Variants in CFAP299 observed in about 807,000 individuals in gnomAD.
The protein encoded by CFAP299 is cilia- and flagella-associated protein 299.
In CFAP299, 21 loss-of-function variants were observed where a neutral mutation model predicts 27.0. The observed-to-expected ratio is 0.78, with a 90% CI of 0.55 to 1.12. CFAP299 has a LOEUF of 1.12. CFAP299 is among the 50% of genes most tolerant of loss of function. The pLI, the probability that CFAP299 is intolerant of heterozygous loss-of-function variation, is 0.00. For synonymous variants in CFAP299, 104 were observed against 98.1 expected (o/e 1.06, Z -0.36); for missense variants, 310 against 276.6 (o/e 1.12, Z -0.86).
rs187252068 is a variant in CFAP299, at chr4:80,957,215, G to T, written c.607-6302G>T. On this transcript the variant is annotated intron_variant, in intron 5 of 5. Coordinates refer to ENST00000358105, the MANE Select transcript of CFAP299 (RefSeq NM_152770.3). ...TTGTTTTACCCATATTTTATACTTG[G>T]CTTGGAGTCCCATCTCTCCTGGGAC... 4.6e-5 allele frequency among the ~76,000 whole-genome samples: 7 copies of T among 152,088 alleles called. No individual in the cohort carries two copies. In the East Asian group the frequency reaches 1.2e-3, roughly 25 times the overall value.
intron 3 of CFAP299, among the ~76,000 whole-genome samples, chr4:80,742,413 A>G (rs1324243267): frequency 6.6e-6 from 1 of 152,188 alleles, no homozygotes; most frequent in Admixed American, 6.5e-5. Context: ...AGTTTCTAAT[A>G]AGTGCCAGGT....
chr4:80,646,546 A>G (rs1161870033), intron 3 of CFAP299, among the ~76,000 whole-genome samples: 1 of 152,214 alleles, frequency 6.6e-6, no homozygotes, highest in Non-Finnish European at 1.5e-5. Flanking sequence ...AAGCCAGTTT[A>G]ATTTTTAAGT....
intron 3 of CFAP299, among the ~76,000 whole-genome samples, chr4:80,799,812 T>TATATATATATCATATAAGATA (rs1553893124): frequency 2.8e-5 from 1 of 36,112 alleles, no homozygotes; most frequent in South Asian, 1.1e-3. Flanking sequence ...AATATATAAA[T>TATATATATATCATATAAGATA]ATATATATTA....
chr4:80,786,694 C>T (rs1281942689), intron 3 of CFAP299, among the ~76,000 whole-genome samples: 1 of 152,080 alleles, frequency 6.6e-6, no homozygotes, highest in African/African-American at 2.4e-5. Context: ...CCTATCAAGG[C>T]AATCACTAAA....
chr4:80,743,150 C>T (rs937500085), intron 3 of CFAP299, among the ~76,000 whole-genome samples: 16 of 151,994 alleles, frequency 1.1e-4, no homozygotes, highest in Non-Finnish European at 1.9e-4. Context: ...AATCTCAGCA[C>T]TTTGGGAGGC....
intron 2 of CFAP299, among the ~76,000 whole-genome samples, chr4:80,366,239 C>A (rs1229889400): frequency 2.0e-5 from 3 of 152,192 alleles, no homozygotes; most frequent in African/African-American, 7.2e-5. Flanking sequence ...ACTATCAGAT[C>A]ATCTTACATT....
chr4:80,387,694 C>G, intron 2 of CFAP299: 1 of 1,577,700 alleles, frequency 6.3e-7, no homozygotes, highest in Non-Finnish European at 8.7e-7. Context: ...AAAGGCATGG[C>G]CACATGCAAT....
intron 4 of CFAP299, among the ~76,000 whole-genome samples, chr4:80,919,794 G>A (rs1383225106): frequency 6.6e-6 from 1 of 152,010 alleles, no homozygotes; most frequent in Non-Finnish European, 1.5e-5. Flanking sequence ...GAATCAAAGA[G>A]AGCACTAATT....
At chr4:80,612,695 T>C (rs1738057046) in intron 3 of CFAP299, among the ~76,000 whole-genome samples, 1 of 152,132 alleles carries the variant, frequency 6.6e-6, no homozygotes, top group Admixed American at 6.5e-5. Flanking sequence ...ACACCTTAAA[T>C]AGAGATTGAA....
intron 3 of CFAP299, among the ~76,000 whole-genome samples, chr4:80,769,611 A>G (rs1427684248): frequency 6.6e-6 from 1 of 152,096 alleles, no homozygotes; most frequent in African/African-American, 2.4e-5. Flanking sequence ...CTAGGCTGGT[A>G]TGGAACCTCT....
At chr4:80,564,498 C>G (rs1467511061) in intron 2 of CFAP299, among the ~76,000 whole-genome samples, 1 of 151,892 alleles carries the variant, frequency 6.6e-6, no homozygotes, top group Non-Finnish European at 1.5e-5. Flanking sequence ...GATAAAAACT[C>G]TCAAAAATCT....
At chr4:80,372,730 G>A (rs1158624592) in intron 2 of CFAP299, among the ~76,000 whole-genome samples, 2 of 152,130 alleles carry the variant, frequency 1.3e-5, no homozygotes, top group Non-Finnish European at 2.9e-5. Flanking sequence ...TGATGTCACT[G>A]ATGGAATCAA....
At chr4:80,601,799 T>C (rs1407614184) in intron 3 of CFAP299, among the ~76,000 whole-genome samples, 1 of 152,138 alleles carries the variant, frequency 6.6e-6, no homozygotes, top group Non-Finnish European at 1.5e-5. Context: ...TGCAGCACTA[T>C]TCACAATAGC....
At chr4:80,469,991 T>C (rs1484648968) in intron 2 of CFAP299, among the ~76,000 whole-genome samples, 1 of 152,138 alleles carries the variant, frequency 6.6e-6, no homozygotes, top group East Asian at 1.9e-4. Context: ...AGAACTCTGC[T>C]TAAGAATACT....
Position 80,604,893 on chromosome 4 carries a change from A to AAAG in CFAP299, c.333+21712_333+21713insGAA, listed in dbSNP as rs1288350147. The stretch of plus-strand genomic sequence containing the variant: ...TCCCCAGAGGACAATATAATACCAG[A>AAAG]AAAAAAAAAAACATGTAATCCTAGG... On this transcript the variant is annotated intron_variant, in intron 3 of 5. Coordinates refer to ENST00000358105, the MANE Select transcript of CFAP299 (RefSeq NM_152770.3). Among the ~76,000 whole-genome samples the AAAG allele has an allele frequency of 4.7e-3, 4 of 846 alleles. 1 individual carries two copies. The East Asian group carries it at 0.67, about 141-fold the overall frequency. The allele number at this position is 846 out of a possible 152,430, so 0.6% of individuals were successfully genotyped here. A position where few individuals can be genotyped will look rare whatever the true frequency, so the allele number is the denominator to read the frequency against.
chr4:80,423,779 G>T (rs995301340), intron 2 of CFAP299, among the ~76,000 whole-genome samples: 1 of 152,152 alleles, frequency 6.6e-6, no homozygotes, highest in Non-Finnish European at 1.5e-5. Flanking sequence ...TTCATTATGG[G>T]TGACTCACCC....
chr4:80,466,023 A>G (rs1160331399), intron 2 of CFAP299, among the ~76,000 whole-genome samples: 1 of 152,200 alleles, frequency 6.6e-6, no homozygotes, highest in African/African-American at 2.4e-5. Flanking sequence ...GAAGAAAGAG[A>G]TCTTCACAGA....
At chr4:80,759,469 G>C (rs1349744201) in intron 3 of CFAP299, among the ~76,000 whole-genome samples, 1 of 152,018 alleles carries the variant, frequency 6.6e-6, no homozygotes, top group Non-Finnish European at 1.5e-5. Context: ...CTGTCATCAT[G>C]GTTGTGCTTA....
At chr4:80,895,912 C>T (rs138428451) in intron 4 of CFAP299, among the ~76,000 whole-genome samples, 34 of 152,080 alleles carry the variant, frequency 2.2e-4, no homozygotes, top group Admixed American at 3.3e-4. Flanking sequence ...GGTTTTTTCC[C>T]GCCAACTCAG....
Sources: gnomAD v4.1 joint callset for allele counts (sites outside exome capture counted in the v4.1 genomes callset) on GRCh38, gnomAD v4.1.1 for gene constraint, MANE v1.5 for transcripts, NCBI Gene and HGNC (gene_info 2026-07-23, HGNC 2026-07-21) for gene names.